The following HTT-AS variants were observed in gnomAD, a reference collection of about 807,000 sequenced individuals.
HTT-AS encodes the protein HTT antisense RNA.
intron 1 of HTT-AS, among the ~76,000 whole-genome samples, chr4:3,073,466 G>T (rs555494747): frequency 2.0e-5 from 3 of 152,370 alleles, no homozygotes; most frequent in African/African-American, 7.2e-5. Flanking sequence ...GCCCCTTGGG[G>T]GTCCTGCCGG....
intron 2 of HTT-AS, among the ~76,000 whole-genome samples, chr4:3,056,353 G>C (rs1191971111): frequency 6.6e-6 from 1 of 152,224 alleles, no homozygotes; most frequent in Non-Finnish European, 1.5e-5. Context: ...ACAGAAATTG[G>C]AGGTGAGGTA....
intron 2 of HTT-AS, among the ~76,000 whole-genome samples, chr4:3,059,330 A>G (rs1711880043): frequency 6.6e-6 from 1 of 151,764 alleles, no homozygotes. Context: ...CTTTGACCAC[A>G]CAGCATCCCT....
intron 2 of HTT-AS, among the ~76,000 whole-genome samples, chr4:3,062,148 G>A (rs1371380546): frequency 6.6e-6 from 1 of 151,892 alleles, no homozygotes; most frequent in Non-Finnish European, 1.5e-5. Context: ...ACATACCTCA[G>A]CCTCCCAAGT....
intron 2 of HTT-AS, among the ~76,000 whole-genome samples, chr4:3,058,153 C>G (rs563234944): frequency 6.6e-6 from 1 of 151,598 alleles, no homozygotes; most frequent in South Asian, 2.1e-4. Flanking sequence ...ATGGAGAAAC[C>G]CCATCTCTAC....
rs781085785 is a variant in HTT-AS, at chr4:3,065,865, G to C, written n.114-2165C>G. Among the ~76,000 whole-genome samples the C allele has an allele frequency of 2.2e-4, 33 of 152,222 alleles. 1 individual carries two copies. The highest frequency in any genetic ancestry group is 7.8e-4 in the Admixed American group (12 of 15,292). ...GAAAATTTGAAGTGTGGTTTCCATT[G>C]AATGTGTACTGCTTTTGCACCATCA... On this transcript the variant is annotated intron_variant and non_coding_transcript_variant, in intron 1 of 2. Coordinates refer to ENST00000664062, the Ensembl canonical transcript of HTT-AS.
intron 2 of HTT-AS, among the ~76,000 whole-genome samples, chr4:3,056,323 C>CA (rs1711804109): frequency 6.6e-6 from 1 of 152,102 alleles, no homozygotes. Context: ...AATTTACAGA[C>CA]AAAAAACGGG....
At chr4:3,065,115 T>A (rs1247875329) in intron 1 of HTT-AS, among the ~76,000 whole-genome samples, 1 of 152,222 alleles carries the variant, frequency 6.6e-6, no homozygotes, top group African/African-American at 2.4e-5. Flanking sequence ...ATAAAATAAA[T>A]TAGTTACTCC....
At chr4:3,049,558 T>C (rs554438023) in exon 3 of HTT-AS, among the ~76,000 whole-genome samples, 3 of 152,266 alleles carry the variant, frequency 2.0e-5, no homozygotes, top group South Asian at 4.1e-4. Flanking sequence ...TTCCAATGGG[T>C]GTACAGTTCC....
chr4:3,069,132 G>A (rs1447445031), intron 1 of HTT-AS, among the ~76,000 whole-genome samples: 1 of 151,250 alleles, frequency 6.6e-6, no homozygotes, highest in Non-Finnish European at 1.5e-5. Context: ...ACCATGAAAA[G>A]AGGAGACAAC....
intron 2 of HTT-AS, among the ~76,000 whole-genome samples, chr4:3,061,017 A>C (rs2110122600): frequency 6.6e-6 from 1 of 151,932 alleles, no homozygotes; most frequent in African/African-American, 2.4e-5. Flanking sequence ...ACAGCTATTC[A>C]TTTTTCTCTT....
chr4:3,062,743 G>T (rs879760753), exon 2 of HTT-AS, among the ~76,000 whole-genome samples: 1 of 151,878 alleles, frequency 6.6e-6, no homozygotes, highest in Non-Finnish European at 1.5e-5. Flanking sequence ...AGACTCTTGC[G>T]GTTTCCCACG....
At chr4:3,053,402 G>A (rs544510159) in intron 2 of HTT-AS, among the ~76,000 whole-genome samples, 18 of 152,174 alleles carry the variant, frequency 1.2e-4, no homozygotes, top group East Asian at 5.8e-4. Flanking sequence ...GTGTGGTGGC[G>A]CATGCTGGTA....
chr4:3,057,312 C>T (rs1018357028), intron 2 of HTT-AS, among the ~76,000 whole-genome samples: 9 of 152,060 alleles, frequency 5.9e-5, no homozygotes, highest in Non-Finnish European at 1.2e-4. Flanking sequence ...GGATTACAGG[C>T]GTGAGCCACT....
In HTT-AS at chr4:3,064,096, G is replaced by GTTT. The variant is rs368155721; in HGVS notation, n.114-399_114-397dup. Among the ~76,000 whole-genome samples the GTTT allele has an allele frequency of 4.1e-3, 558 of 136,000 alleles. 16 individuals are homozygous for GTTT. Among genetic ancestry groups the GTTT allele is most frequent in the South Asian group, 0.012 (49 of 4,170 alleles). 89.2% of individuals were successfully genotyped at this position (136,000 alleles called of 152,430 possible). On this transcript the variant is annotated intron_variant and non_coding_transcript_variant, in intron 1 of 2. Coordinates refer to ENST00000664062, the Ensembl canonical transcript of HTT-AS. Reference sequence around the variant, plus strand: ...GGAAAGCTGTAACACAAATAATAAAGTTTTTTTTTTTTTTTTTGAGATGGA... The same window carrying GTTT: ...GGAAAGCTGTAACACAAATAATAAAGTTTTTTTTTTTTTTTTTTTTGAGATGGA...
At chr4:3,058,218 C>T (rs184488748) in intron 2 of HTT-AS, among the ~76,000 whole-genome samples, 44 of 151,862 alleles carry the variant, frequency 2.9e-4, no homozygotes, top group East Asian at 9.8e-4. Context: ...CCCAGCTACT[C>T]GGGAGGCTGA....
At chr4:3,059,151 G>C (rs1375042613) in intron 2 of HTT-AS, among the ~76,000 whole-genome samples, 2 of 152,190 alleles carry the variant, frequency 1.3e-5, no homozygotes, top group African/African-American at 4.8e-5. Flanking sequence ...CTTAGCAGTA[G>C]GCTTCTGTAA....
intron 1 of HTT-AS, among the ~76,000 whole-genome samples, chr4:3,066,820 C>T (rs1712065291): frequency 2.0e-5 from 3 of 152,284 alleles, no homozygotes; most frequent in Non-Finnish European, 2.9e-5. Context: ...ATGTCCAGCA[C>T]ACAAACACAA....
Position 3,071,291 on chromosome 4 carries a change from CCT to C in HTT-AS, n.113+3133_113+3134del, listed in dbSNP as rs576250403. 3.3e-5 allele frequency among the ~76,000 whole-genome samples: 5 copies of C among 152,296 alleles called. No individual in the cohort carries two copies. The South Asian group carries it at 1.0e-3, about 32-fold the overall frequency. ...CAACTGCACACAGTCATCTGGGCCC[CCT>C]CCTTCCAGCTCCCATCACCCCAGGA... On this transcript the variant is annotated intron_variant and non_coding_transcript_variant, in intron 1 of 2. Transcript: ENST00000664062.
intron 1 of HTT-AS, among the ~76,000 whole-genome samples, chr4:3,066,630 C>T (rs1712062674): frequency 6.6e-6 from 1 of 152,292 alleles, no homozygotes; most frequent in South Asian, 2.1e-4. Context: ...TATGGATGGT[C>T]CTCTGGGACC....
Sources: allele counts gnomAD v4.1 joint callset (sites outside exome capture counted in the v4.1 genomes callset), GRCh38; gene constraint gnomAD v4.1.1; transcripts MANE v1.5; gene names NCBI Gene and HGNC (gene_info 2026-07-23, HGNC 2026-07-21).